The following KIF25 variants were observed in gnomAD, a reference collection of about 807,000 sequenced individuals.
The protein encoded by KIF25 is kinesin-like protein KIF25.
KIF25 carries 19 observed loss-of-function variants against 32.9 expected under a neutral mutation model. That is an observed-to-expected ratio of 0.58 (90% CI 0.40 to 0.85). The LOEUF is 0.85. Among genes scored for constraint, KIF25 ranks in the 40% least tolerant of loss-of-function variants. The pLI is 0.00. For synonymous variants in KIF25, 225 were observed against 213.7 expected (o/e 1.05, Z -0.46); for missense variants, 485 against 507.0 (o/e 0.96, Z 0.42).
chr6:168,044,734 C>A, intron 12 of KIF25, 93 bp from the exon 13 acceptor site: 1 of 1,320,946 alleles, frequency 7.6e-7, no homozygotes, highest in African/African-American at 1.5e-5. Context: ...GCCCTCTCTG[C>A]AGCCGCCCAT....
At chr6:168,041,580 T>C (rs1025463288) in intron 10 of KIF25, among the ~76,000 whole-genome samples, 6 of 152,268 alleles carry the variant, frequency 3.9e-5, no homozygotes, top group African/African-American at 1.4e-4. Context: ...GACATTTGCA[T>C]TAAAATTAAG....
chr6:168,029,757 T>G, intron 6 of KIF25, 80 bp downstream of exon 6: 1 of 1,502,328 alleles, frequency 6.7e-7, no homozygotes, highest in Admixed American at 2.2e-5. Context: ...TTTCTATTCT[T>G]TCTACTTTTG....
At chr6:168,002,390 C>G (rs1798520241) in intron 2 of KIF25, among the ~76,000 whole-genome samples, 153 bp from the exon 3 acceptor site, 2 of 152,248 alleles carry the variant, frequency 1.3e-5, no homozygotes, top group Admixed American at 6.5e-5. Context: ...GGCAAGTTTC[C>G]ATAGTCCCAG....
chr6:168,035,643 G>T (rs1799013455), intron 8 of KIF25: 1 of 453,374 alleles, frequency 2.2e-6, no homozygotes, highest in Non-Finnish European at 4.4e-6. Flanking sequence ...TTACCAATGG[G>T]CCCATCGCAT....
At chr6:167,999,029 G>T in intron 1 of KIF25, 63 bp from the exon 2 acceptor site, 1 of 152,370 alleles carries the variant, frequency 6.6e-6, no homozygotes, top group Non-Finnish European at 1.5e-5. Flanking sequence ...TCCAGCCTGG[G>T]CGACAGAGCA....
chr6:168,027,548 G>T (rs940145633), intron 5 of KIF25, among the ~76,000 whole-genome samples: 1 of 151,502 alleles, frequency 6.6e-6, no homozygotes, highest in Non-Finnish European at 1.5e-5. Flanking sequence ...TGAAGAAAAA[G>T]AATGAGAATG....
At chr6:168,037,414 T>C (rs1167150077) in intron 8 of KIF25, among the ~76,000 whole-genome samples, 1 of 152,168 alleles carries the variant, frequency 6.6e-6, no homozygotes, top group African/African-American at 2.4e-5. Context: ...GTTCTCAGAA[T>C]AGCCTTAGGA....
chr6:168,038,868 C>T (rs866009968), intron 9 of KIF25, 139 bp downstream of exon 9: 68 of 755,126 alleles, frequency 9.0e-5, no homozygotes, highest in African/African-American at 1.2e-4. Flanking sequence ...CGTGGTGGCC[C>T]GATCAGTGCT....
At chr6:168,029,712 G>C (rs759279638) in intron 6 of KIF25, 35 bp downstream of exon 6, 11 of 1,590,876 alleles carry the variant, frequency 6.9e-6, no homozygotes, top group Non-Finnish European at 5.1e-6. Context: ...CCAGGCCTGG[G>C]TCTGGAGCCG....
intron 4 of KIF25, among the ~76,000 whole-genome samples, chr6:168,009,909 G>A (rs542037906): frequency 8.5e-5 from 13 of 152,076 alleles, no homozygotes; most frequent in South Asian, 4.1e-4. Context: ...TGTGGTAGCC[G>A]TTGTGATATC....
intron 10 of KIF25, among the ~76,000 whole-genome samples, chr6:168,040,615 C>T (rs1175571079): frequency 6.6e-6 from 1 of 152,036 alleles, no homozygotes; most frequent in Non-Finnish European, 1.5e-5. Flanking sequence ...CCTGCAGCAT[C>T]CAAGGCCTCT....
intron 4 of KIF25, among the ~76,000 whole-genome samples, chr6:168,011,664 G>A (rs1798648159): frequency 6.6e-6 from 1 of 152,152 alleles, no homozygotes; most frequent in African/African-American, 2.4e-5. Flanking sequence ...AATGTGCCTT[G>A]GAGAGGACCT....
At chr6:168,027,454 C>CAAAA (rs757678230) in intron 5 of KIF25, among the ~76,000 whole-genome samples, 23 of 88,918 alleles carry the variant, frequency 2.6e-4, no homozygotes, top group East Asian at 5.7e-4. Flanking sequence ...ACTCTGTCTC[C>CAAAA]AAAAAAAAAA....
intron 10 of KIF25, among the ~76,000 whole-genome samples, chr6:168,040,906 C>G (rs949267277): frequency 3.3e-5 from 5 of 152,210 alleles, no homozygotes; most frequent in Non-Finnish European, 7.3e-5. Flanking sequence ...AGAAAGAACA[C>G]AGGCCTGTGA....
At chr6:168,037,215 C>T (rs1185582170) in intron 8 of KIF25, among the ~76,000 whole-genome samples, 1 of 152,146 alleles carries the variant, frequency 6.6e-6, no homozygotes, top group African/African-American at 2.4e-5. Flanking sequence ...ATGATTTTTA[C>T]CTGAGAGTTT....
intron 10 of KIF25, among the ~76,000 whole-genome samples, chr6:168,040,576 G>T (rs57610864): frequency 6.8e-6 from 1 of 146,782 alleles, no homozygotes; most frequent in Non-Finnish European, 1.5e-5. Flanking sequence ...AAAAAAAAAA[G>T]AAGAAGAAGA....
chr6:168,018,113 G>A (rs1318948441), intron 5 of KIF25, 73 bp downstream of exon 5: 5 of 152,476 alleles, frequency 3.3e-5, no homozygotes, highest in Admixed American at 3.3e-4. Flanking sequence ...TGGGGTTTGA[G>A]TAATGAAATA....
chr6:168,010,489 C>T (rs1205210085), intron 4 of KIF25, among the ~76,000 whole-genome samples: 3 of 151,990 alleles, frequency 2.0e-5, no homozygotes, highest in Admixed American at 2.0e-4. Flanking sequence ...TCGAATAAGA[C>T]ACTAGATGTG....
At chr6:168,005,438 T>A (rs2114867637) in intron 4 of KIF25, among the ~76,000 whole-genome samples, 1 of 152,132 alleles carries the variant, frequency 6.6e-6, no homozygotes, top group African/African-American at 2.4e-5. Context: ...CCAAATGAGA[T>A]GGGAGACAGA....
Sources: allele counts gnomAD v4.1 joint callset (sites outside exome capture counted in the v4.1 genomes callset), GRCh38; gene constraint gnomAD v4.1.1; transcripts MANE v1.5; gene names NCBI Gene and HGNC (gene_info 2026-07-23, HGNC 2026-07-21).